Variants in GRIP1 observed in about 807,000 individuals in gnomAD.
GRIP1 encodes the protein glutamate receptor-interacting protein 1.
Under a neutral mutation model 129.9 loss-of-function variants are expected in GRIP1, and 45 were observed. The ratio of observed to expected loss-of-function variants is 0.35; its 90% CI spans 0.27 to 0.44. The LOEUF is 0.44. GRIP1 is among the 20% of genes least tolerant of loss of function. The pLI, the probability that GRIP1 is intolerant of heterozygous loss-of-function variation, is 1.00. For missense variants in GRIP1, 1,196 were observed against 1,396.8 expected (o/e 0.86, Z 2.29); for synonymous variants, 530 against 520.8 (o/e 1.02, Z -0.24).
At chr12:66,368,587 C>T (rs991753693) in intron 23 of GRIP1, among the ~76,000 whole-genome samples, 2 of 146,586 alleles carry the variant, frequency 1.4e-5, no homozygotes, top group African/African-American at 2.4e-5. Context: ...TGCACTGTGG[C>T]TTGGGTTATC....
chr12:66,939,261 G>C (rs778473924), intron 1 of GRIP1, among the ~76,000 whole-genome samples: 1 of 152,074 alleles, frequency 6.6e-6, no homozygotes, highest in Non-Finnish European at 1.5e-5. Context: ...CTGAGGTGGA[G>C]GATTGAGACC....
intron 16 of GRIP1, among the ~76,000 whole-genome samples, chr12:66,399,983 T>G (rs1177989615): frequency 6.6e-6 from 1 of 151,984 alleles, no homozygotes; most frequent in Non-Finnish European, 1.5e-5. Context: ...CCAAGAGATG[T>G]CCAAGCAAGT....
At chr12:66,880,058 G>T (rs186465815) in intron 1 of GRIP1, among the ~76,000 whole-genome samples, 1 of 152,116 alleles carries the variant, frequency 6.6e-6, no homozygotes, top group South Asian at 2.1e-4. Flanking sequence ...AGAAGGAAAT[G>T]AGGGTAGCTG....
intron 1 of GRIP1, among the ~76,000 whole-genome samples, chr12:66,787,005 A>C (rs2038368863): frequency 6.6e-6 from 1 of 152,188 alleles, no homozygotes. Context: ...GAAGAAATCC[A>C]AAACAAAACA....
At chr12:67,049,729 TAAA>T (rs749293794) in intron 1 of GRIP1, among the ~76,000 whole-genome samples, 4 of 124,548 alleles carry the variant, frequency 3.2e-5, no homozygotes, top group Admixed American at 1.7e-4. Flanking sequence ...AAAGTACAAT[TAAA>T]AAAAAAAAAA....
chr12:66,825,794 G>A (rs1164002859), intron 1 of GRIP1, among the ~76,000 whole-genome samples: 1 of 152,196 alleles, frequency 6.6e-6, no homozygotes, highest in African/African-American at 2.4e-5. Flanking sequence ...TTAAAATGCT[G>A]AATGCATCCT....
intron 1 of GRIP1, among the ~76,000 whole-genome samples, chr12:67,007,979 G>C (rs1272345753): frequency 6.6e-6 from 1 of 152,120 alleles, no homozygotes; most frequent in African/African-American, 2.4e-5. Flanking sequence ...AAATGAAATA[G>C]GAACCCACAG....
At chr12:66,848,007 T>C (rs1202765270) in intron 1 of GRIP1, among the ~76,000 whole-genome samples, 4 of 152,200 alleles carry the variant, frequency 2.6e-5, no homozygotes, top group Admixed American at 2.6e-4. Flanking sequence ...CTTGAACATT[T>C]TGATTTATGT....
Position 66,995,703 on chromosome 12 carries a change from G to A in GRIP1, c.58+73347C>T, listed in dbSNP as rs1000971058. Among the ~76,000 whole-genome samples the A allele has an allele frequency of 2.0e-5, 3 of 152,136 alleles. 1 individual carries two copies. Among genetic ancestry groups the A allele is most frequent in the Non-Finnish European group, 4.4e-5 (3 of 67,984 alleles). On this transcript the variant is annotated intron_variant, in intron 1 of 1. Coordinates refer to the GRIP1 transcript ENST00000643019. ...ACATAATACAAGTGTTGGACATGGA[G>A]AAACTTATACATTGCTTGGTAAGAA...
intron 1 of GRIP1, among the ~76,000 whole-genome samples, chr12:66,990,473 T>C (rs918754502): frequency 1.3e-5 from 2 of 152,124 alleles, no homozygotes; most frequent in African/African-American, 2.4e-5. Flanking sequence ...CATCTACCAA[T>C]GGAAAAGAGA....
At chr12:66,405,351 A>G (rs896473168) in intron 16 of GRIP1, among the ~76,000 whole-genome samples, 3 of 152,162 alleles carry the variant, frequency 2.0e-5, no homozygotes, top group African/African-American at 7.2e-5. Context: ...GATCCATATC[A>G]CATTCTGTAA....
intron 19 of GRIP1, among the ~76,000 whole-genome samples, chr12:66,385,371 A>G (rs2056309184): frequency 6.6e-6 from 1 of 151,858 alleles, no homozygotes; most frequent in South Asian, 2.1e-4. Flanking sequence ...CACCATCTCT[A>G]CTAAAAACAT....
intron 1 of GRIP1, among the ~76,000 whole-genome samples, chr12:67,028,730 G>C (rs977951501): frequency 1.1e-4 from 16 of 152,100 alleles, no homozygotes; most frequent in African/African-American, 3.6e-4. Context: ...ACAGCAAGGA[G>C]TACTCAGGGG....
At position 67,064,626 on chromosome 12, in the gene GRIP1, C is replaced by A. The variant is rs186825027; in HGVS notation, c.58+4424G>T. 8.5e-5 allele frequency among the ~76,000 whole-genome samples: 13 copies of A among 152,274 alleles called. No homozygotes were observed. The East Asian group carries it at 2.1e-3, about 25-fold the overall frequency. On this transcript the variant is annotated intron_variant, in intron 1 of 1. Transcript: ENST00000643019. ...GGAAAAAGTCAAATTCCACATTGGA[C>A]TTTTTGTTAAGGAGGTTGTGGGTGG... is the stretch of plus-strand genomic sequence containing the variant.
intron 1 of GRIP1, among the ~76,000 whole-genome samples, chr12:67,017,251 A>T (rs2135732717): frequency 6.6e-6 from 1 of 152,100 alleles, no homozygotes; most frequent in East Asian, 1.9e-4. Flanking sequence ...ATGAATAGTT[A>T]TCATAAGTCC....
At chr12:67,007,184 C>T (rs927202240) in intron 1 of GRIP1, among the ~76,000 whole-genome samples, 1 of 152,104 alleles carries the variant, frequency 6.6e-6, no homozygotes, top group Admixed American at 6.6e-5. Context: ...CCTTAAATAA[C>T]TCATTACATC....
intron 1 of GRIP1, among the ~76,000 whole-genome samples, chr12:66,674,984 G>A (rs997404900): frequency 1.3e-5 from 2 of 152,146 alleles, no homozygotes; most frequent in Non-Finnish European, 2.9e-5. Context: ...GAAGGTCAAC[G>A]GGGCTGCTTA....
At chr12:67,051,278 T>C (rs529920257) in intron 1 of GRIP1, among the ~76,000 whole-genome samples, 1 of 152,264 alleles carries the variant, frequency 6.6e-6, no homozygotes, top group East Asian at 1.9e-4. Flanking sequence ...ACTTGCTTCC[T>C]AGATAGGCTA....
chr12:67,003,781 A>C (rs967304558), intron 1 of GRIP1, among the ~76,000 whole-genome samples: 1 of 152,206 alleles, frequency 6.6e-6, no homozygotes, highest in Non-Finnish European at 1.5e-5. Flanking sequence ...ATCTATTTTT[A>C]AATGAAATTA....
Sources: allele counts gnomAD v4.1 joint callset (sites outside exome capture counted in the v4.1 genomes callset), GRCh38; gene constraint gnomAD v4.1.1; transcripts MANE v1.5; gene names NCBI Gene and HGNC (gene_info 2026-07-23, HGNC 2026-07-21).